SLC8A3: variants seen among roughly 807,000 people sequenced by gnomAD.
SLC8A3 encodes solute carrier family 8 member A3, also known as sodium/calcium exchanger 3.
In SLC8A3, 37 loss-of-function variants were observed where a neutral mutation model predicts 65.4. The ratio of observed to expected loss-of-function variants is 0.57; its 90% CI spans 0.44 to 0.74. The LOEUF (loss-of-function observed/expected upper bound fraction) is 0.74, where lower values mean the gene tolerates loss of function less well. Among genes scored for constraint, SLC8A3 ranks in the 30% least tolerant of loss-of-function variants. SLC8A3 has a pLI of 0.00. For missense variants in SLC8A3, 1,112 were observed against 1,172.1 expected (o/e 0.95, Z 0.75); for synonymous variants, 461 against 444.5 (o/e 1.04, Z -0.47).
In SLC8A3 at chr14:70,045,737, T is replaced by C; in HGVS notation, c.*210A>G. The C allele has an allele frequency of 2.0e-6, 1 of 505,412 alleles. No individual in the cohort carries two copies. The highest frequency in any genetic ancestry group is 3.5e-6 in the Non-Finnish European group (1 of 283,304). 31.3% of individuals were successfully genotyped at this position (505,412 alleles called of 1,614,324 possible). A position where few individuals can be genotyped will look rare whatever the true frequency, so the allele number is the denominator to read the frequency against. ...CTTGTTTGTATTCAATTAAATACTGTGTAAAGTCGGTGATTCCTCCATTGT... is the reference window on the plus strand; with the variant it reads ...CTTGTTTGTATTCAATTAAATACTGCGTAAAGTCGGTGATTCCTCCATTGT... On this transcript the variant is annotated 3_prime_UTR_variant, in exon 7 of 7. Transcript: ENST00000356921.
intron 2 of SLC8A3, among the ~76,000 whole-genome samples, chr14:70,144,250 T>C (rs1038356165): frequency 3.4e-5 from 5 of 148,052 alleles, no homozygotes; most frequent in Admixed American, 2.1e-4. Context: ...CACCTCCATG[T>C]GACACAAAGA....
intron 1 of SLC8A3, among the ~76,000 whole-genome samples, chr14:70,173,363 C>T (rs1243064121): frequency 1.3e-5 from 2 of 152,166 alleles, no homozygotes; most frequent in African/African-American, 2.4e-5. Context: ...CAAACTGATG[C>T]CCTGGCTCAG....
chr14:70,135,080 G>A (rs888550051), intron 2 of SLC8A3, among the ~76,000 whole-genome samples: 6 of 152,076 alleles, frequency 3.9e-5, no homozygotes, highest in African/African-American at 1.4e-4. Context: ...ATGGGCAGAA[G>A]ACCTGAATAG....
At chr14:70,122,262 G>A (rs1318781819) in intron 2 of SLC8A3, among the ~76,000 whole-genome samples, 3 of 152,194 alleles carry the variant, frequency 2.0e-5, no homozygotes, top group Admixed American at 1.3e-4. Flanking sequence ...GATGGACAAT[G>A]ATTATTGGCT....
In SLC8A3 at chr14:70,170,330, C is replaced by T. The variant is rs140583836; in HGVS notation, c.-62-1846G>A. ...TCTTGGATTATACCAAGTGACTGTC[C>T]ACCCCAGGACCTTTGTACATGCCAT... On this transcript the variant is annotated intron_variant, in intron 1 of 6. Coordinates refer to ENST00000356921, the MANE Select transcript of SLC8A3 (RefSeq NM_182932.3). 3.3e-3 allele frequency among the ~76,000 whole-genome samples: 508 copies of T among 152,286 alleles called. 1 individual carries two copies. The highest frequency in any genetic ancestry group is 0.031 in the Middle Eastern group (9 of 294).
At chr14:70,176,867 T>A (rs1475033776) in intron 1 of SLC8A3, among the ~76,000 whole-genome samples, 2 of 152,240 alleles carry the variant, frequency 1.3e-5, no homozygotes, top group Non-Finnish European at 2.9e-5. Flanking sequence ...TTTCAGCAAG[T>A]TGTATTTCTA....
At chr14:70,179,367 T>A (rs1013163342) in intron 1 of SLC8A3, among the ~76,000 whole-genome samples, 8 of 152,234 alleles carry the variant, frequency 5.3e-5, no homozygotes, top group African/African-American at 1.9e-4. Context: ...GTAGCAGGAA[T>A]CTGGTCCCTT....
Position 70,049,060 on chromosome 14 carries a change from A to G in SLC8A3, c.2114-18T>C. 1 of 1,591,154 alleles carries G rather than the reference A, an allele frequency of 6.3e-7. No homozygotes were observed. The highest frequency in any genetic ancestry group is 8.6e-7 in the Non-Finnish European group (1 of 1,166,630). The stretch of plus-strand genomic sequence containing the variant: ...ATCCCCTGCTGAAGGCAAGATAAAC[A>G]GGCAAGAGAACGGGTAACGAAGTCA... On this transcript the variant is annotated intron_variant, in intron 5 of 6. Transcript: ENST00000356921.
intron 2 of SLC8A3, among the ~76,000 whole-genome samples, chr14:70,100,717 T>C (rs1396278055): frequency 6.6e-6 from 1 of 152,250 alleles, no homozygotes. Flanking sequence ...AGAGGGATTA[T>C]ACTTTGCACA....
At chr14:70,150,119 C>T (rs1896172618) in intron 2 of SLC8A3, among the ~76,000 whole-genome samples, 1 of 152,266 alleles carries the variant, frequency 6.6e-6, no homozygotes, top group East Asian at 1.9e-4. Context: ...ATGGCTGTGA[C>T]ATGTCCAGGA....
chr14:70,160,998 A>T (rs1272842800), intron 2 of SLC8A3, among the ~76,000 whole-genome samples: 1 of 151,106 alleles, frequency 6.6e-6, no homozygotes, highest in Non-Finnish European at 1.5e-5. Flanking sequence ...TAATCCCAGC[A>T]CTTTGGGAGG....
intron 3 of SLC8A3, among the ~76,000 whole-genome samples, chr14:70,059,791 G>A (rs1239691123): frequency 1.3e-5 from 2 of 152,178 alleles, no homozygotes; most frequent in Admixed American, 6.5e-5. Flanking sequence ...TCAGGGATCA[G>A]CACCAACTGC....
At chr14:70,051,181 G>T in intron 4 of SLC8A3, 74 bp from the exon 5 acceptor site, 1 of 1,014,984 alleles carries the variant, frequency 9.9e-7, no homozygotes, top group Non-Finnish European at 1.6e-6. Context: ...GTTCTTCAAA[G>T]GAATGAAAGA....
At chr14:70,151,523 G>A (rs80194047) in intron 2 of SLC8A3, among the ~76,000 whole-genome samples, 1 of 152,058 alleles carries the variant, frequency 6.6e-6, no homozygotes, top group African/African-American at 2.4e-5. Context: ...CGTCCTGAGG[G>A]CAAGTAGCAC....
intron 2 of SLC8A3, among the ~76,000 whole-genome samples, chr14:70,080,576 G>A (rs1324337961): frequency 6.6e-6 from 1 of 152,190 alleles, no homozygotes; most frequent in African/African-American, 2.4e-5. Context: ...AAATGGGGTT[G>A]GGTGGAGAAA....
intron 3 of SLC8A3, among the ~76,000 whole-genome samples, chr14:70,054,620 C>T (rs1214380313): frequency 2.6e-5 from 4 of 152,010 alleles, no homozygotes; most frequent in Non-Finnish European, 5.9e-5. Flanking sequence ...GAAATCAATA[C>T]CCTGGGAGAA....
intron 4 of SLC8A3, 89 bp downstream of exon 4, chr14:70,051,901 A>G (rs1887550278): frequency 9.4e-7 from 1 of 1,061,334 alleles, no homozygotes; most frequent in South Asian, 1.4e-5. Flanking sequence ...TCACATATTC[A>G]CTAGTGAAAG....
rs1394940328 is a variant in SLC8A3, at chr14:70,046,499, G to C, written c.2390-176C>G. On this transcript the variant is annotated intron_variant, in intron 6 of 6. Coordinates refer to ENST00000356921, the MANE Select transcript of SLC8A3 (RefSeq NM_182932.3). This position sits in a 1 kb window ranked among gnomAD's most constrained non-coding sequence, Gnocchi z 4.2. ...GCCGCAAGCAAGCCGTGTGGCCCTG[G>C]GTAGGTCACATCCCTAGTCTGGGCT... is the stretch of plus-strand genomic sequence containing the variant. The C allele has an allele frequency of 6.6e-6, 4 of 610,504 alleles. No homozygotes were observed. The highest frequency in any genetic ancestry group is 4.6e-5 in the South Asian group (2 of 43,860). The allele number at this position is 610,504 out of a possible 1,614,324, so 37.8% of individuals were successfully genotyped here.
intron 1 of SLC8A3, among the ~76,000 whole-genome samples, chr14:70,185,163 C>A (rs1304222883): frequency 2.0e-5 from 3 of 152,108 alleles, no homozygotes; most frequent in African/African-American, 7.2e-5. Context: ...GACGGGATTT[C>A]ACCATGTTGG....
Sources: gnomAD v4.1 joint callset for allele counts (sites outside exome capture counted in the v4.1 genomes callset) on GRCh38, gnomAD v4.1.1 for gene constraint, Gnocchi (gnomAD v3.1) non-coding constraint, MANE v1.5 for transcripts, NCBI Gene and HGNC (gene_info 2026-07-23, HGNC 2026-07-21) for gene names.